The following SLC14A2 variants were observed in gnomAD, a reference collection of about 807,000 sequenced individuals.
The protein encoded by SLC14A2 is urea transporter 2.
Under a neutral mutation model 104.6 loss-of-function variants are expected in SLC14A2, and 91 were observed. The observed-to-expected ratio is 0.87, with a 90% confidence interval of 0.73 to 1.04. SLC14A2 has a LOEUF of 1.04. SLC14A2 is among the 50% of genes least tolerant of loss of function. SLC14A2 has a pLI of 0.00. For synonymous variants in SLC14A2, 476 were observed against 466.4 expected, an observed-to-expected ratio of 1.02 and a Z score of -0.27; for missense variants, 1,189 against 1,156.0, an observed-to-expected ratio of 1.03 and a Z score of -0.41.
chr18:45,562,707 T>C (rs2044216790), intron 2 of SLC14A2, among the ~76,000 whole-genome samples: 1 of 152,014 alleles, frequency 6.6e-6, no homozygotes, highest in Non-Finnish European at 1.5e-5. Context: ...CACTTGTTGA[T>C]AGCAATATGA....
At chr18:45,319,026 C>T (rs967500402) in intron 1 of SLC14A2, among the ~76,000 whole-genome samples, 1 of 152,216 alleles carries the variant, frequency 6.6e-6, no homozygotes, top group African/African-American at 2.4e-5. Context: ...CGTGCTATCT[C>T]TGCAGCAGTT....
chr18:45,227,934 A>C (rs954640452), intron 1 of SLC14A2, among the ~76,000 whole-genome samples: 1 of 152,194 alleles, frequency 6.6e-6, no homozygotes, highest in Non-Finnish European at 1.5e-5. Flanking sequence ...ATTTCATTGC[A>C]GGAAAAAAAG....
intron 2 of SLC14A2, among the ~76,000 whole-genome samples, chr18:45,494,915 T>TACACACACACACACACACACAC (rs58079608): frequency 2.4e-4 from 36 of 148,744 alleles, no homozygotes; most frequent in South Asian, 2.4e-3. Context: ...CACACACACA[T>TACACACACACACACACACACAC]ACACACACAC....
At chr18:45,207,088 G>A in the SLC14A2 span, among the ~76,000 whole-genome samples, 77 of 152,200 alleles carry the variant, frequency 5.1e-4, no homozygotes, top group African/African-American at 1.0e-3. Flanking sequence ...CATGCATTTA[G>A]GTACATTTTT....
chr18:45,291,391 T>A (rs1054125072), intron 1 of SLC14A2, among the ~76,000 whole-genome samples: 3 of 152,124 alleles, frequency 2.0e-5, no homozygotes, highest in Admixed American at 1.3e-4. Context: ...AACATGTTAT[T>A]GGGAACAGAA....
At chr18:45,534,105 AT>A (rs1467303247) in intron 2 of SLC14A2, among the ~76,000 whole-genome samples, 2 of 152,136 alleles carry the variant, frequency 1.3e-5, no homozygotes, top group East Asian at 3.8e-4. Context: ...TAAAATCGTG[AT>A]TTTGCTTGGG....
intron 1 of SLC14A2, among the ~76,000 whole-genome samples, chr18:45,346,196 C>T (rs2085446322): frequency 6.6e-6 from 1 of 152,174 alleles, no homozygotes; most frequent in Admixed American, 6.5e-5. Flanking sequence ...TGCTCTGGTG[C>T]CTAGGCTGGA....
intron 1 of SLC14A2, among the ~76,000 whole-genome samples, chr18:45,471,461 A>G (rs2087247255): frequency 6.6e-6 from 1 of 151,992 alleles, no homozygotes; most frequent in Non-Finnish European, 1.5e-5. Flanking sequence ...ATTTTTGAAA[A>G]CCGTTTTGAA....
intron 1 of SLC14A2, among the ~76,000 whole-genome samples, chr18:45,302,386 T>TA (rs1360276590): frequency 6.6e-6 from 1 of 152,212 alleles, no homozygotes; most frequent in Non-Finnish European, 1.5e-5. Flanking sequence ...CCCTACAGAA[T>TA]AGCTTTTCCA....
intron 1 of SLC14A2, among the ~76,000 whole-genome samples, chr18:45,445,144 C>T (rs1417689046): frequency 1.6e-5 from 2 of 123,292 alleles, no homozygotes; most frequent in Non-Finnish European, 3.2e-5. Context: ...CGGAGTCTTG[C>T]TCTGTTCCCC....
intron 1 of SLC14A2, among the ~76,000 whole-genome samples, chr18:45,339,319 TTC>T (rs1555677125): frequency 6.6e-6 from 1 of 152,194 alleles, no homozygotes; most frequent in Non-Finnish European, 1.5e-5. Flanking sequence ...TGCAAGCCAA[TTC>T]CACATTCTAG....
intron 1 of SLC14A2, among the ~76,000 whole-genome samples, chr18:45,255,976 G>C (rs566757733): frequency 4.6e-5 from 7 of 152,212 alleles, no homozygotes; most frequent in African/African-American, 1.4e-4. Flanking sequence ...CTTTTGAATT[G>C]ACTTCAGCCT....
At chr18:45,261,203 C>T (rs1425919172) in intron 1 of SLC14A2, among the ~76,000 whole-genome samples, 2 of 151,628 alleles carry the variant, frequency 1.3e-5, no homozygotes, top group Non-Finnish European at 2.9e-5. Flanking sequence ...GTGATGTTCG[C>T]CTTCCTGTGT....
At chr18:45,639,968 T>G (rs773119922) in intron 7 of SLC14A2, 75 bp downstream of exon 7, 6 of 1,344,846 alleles carry the variant, frequency 4.5e-6, no homozygotes, top group Non-Finnish European at 5.1e-6. Flanking sequence ...ATACAGCAAA[T>G]CTTCCAGACA....
intron 1 of SLC14A2, among the ~76,000 whole-genome samples, chr18:45,400,017 A>G (rs896094366): frequency 2.6e-5 from 4 of 152,176 alleles, no homozygotes; most frequent in Admixed American, 2.0e-4. Flanking sequence ...GGAGCTTGTC[A>G]CTGGCAATTG....
At chr18:45,204,002 C>T in the SLC14A2 span, among the ~76,000 whole-genome samples, 1 of 152,112 alleles carries the variant, frequency 6.6e-6, no homozygotes, top group South Asian at 2.1e-4. Flanking sequence ...TAATAATTCA[C>T]ATTTTTTTCT....
chr18:45,580,737 T>A (rs148967824), intron 2 of SLC14A2, among the ~76,000 whole-genome samples: 1 of 152,290 alleles, frequency 6.6e-6, no homozygotes, highest in East Asian at 1.9e-4. Context: ...TCATATAACC[T>A]GCTCAAGGTC....
intron 1 of SLC14A2, among the ~76,000 whole-genome samples, chr18:45,291,832 G>A (rs147569937): frequency 9.2e-5 from 14 of 151,958 alleles, no homozygotes; most frequent in Non-Finnish European, 1.9e-4. Flanking sequence ...GGGGCGGTTG[G>A]GGGGGTGGGG....
At chr18:45,278,437 A>G (rs987516748) in intron 1 of SLC14A2, among the ~76,000 whole-genome samples, 2 of 152,196 alleles carry the variant, frequency 1.3e-5, no homozygotes, top group Non-Finnish European at 2.9e-5. Flanking sequence ...AATTTGCCCA[A>G]TTAAGAATCA....
Sources: allele counts gnomAD v4.1 joint callset (sites outside exome capture counted in the v4.1 genomes callset), GRCh38; gene constraint gnomAD v4.1.1; transcripts MANE v1.5; gene names NCBI Gene and HGNC (gene_info 2026-07-23, HGNC 2026-07-21).